Variants in GALNTL6 observed in about 807,000 individuals in gnomAD.
GALNTL6 encodes the protein polypeptide N-acetylgalactosaminyltransferase like 6.
Under a neutral mutation model 73.7 loss-of-function variants are expected in GALNTL6, and 46 were observed. The ratio of observed to expected loss-of-function variants is 0.62; its 90% CI spans 0.49 to 0.80. GALNTL6 has a LOEUF of 0.80. Among genes scored for constraint, GALNTL6 ranks in the 30% least tolerant of loss-of-function variants. GALNTL6 has a pLI of 0.00. For synonymous variants in GALNTL6, 259 were observed against 263.7 expected (o/e 0.98, Z 0.17); for missense variants, 604 against 755.0 (o/e 0.80, Z 2.34).
At chr4:172,316,062 A>T (rs545131909) in intron 4 of GALNTL6, among the ~76,000 whole-genome samples, 1 of 152,222 alleles carries the variant, frequency 6.6e-6, no homozygotes, top group Non-Finnish European at 1.5e-5. Flanking sequence ...AGAATTTTTA[A>T]GCAAGTATTA....
intron 5 of GALNTL6, among the ~76,000 whole-genome samples, chr4:172,546,424 T>C (rs993891459): frequency 2.0e-5 from 3 of 151,780 alleles, no homozygotes; most frequent in African/African-American, 4.8e-5. Flanking sequence ...TCTACCACTA[T>C]GCAATATATG....
At chr4:172,636,938 T>C (rs184109309) in intron 5 of GALNTL6, among the ~76,000 whole-genome samples, 7 of 152,284 alleles carry the variant, frequency 4.6e-5, no homozygotes, top group Admixed American at 4.6e-4. Flanking sequence ...ACTTTACATA[T>C]ATTATATGGG....
At chr4:172,410,834 G>A (rs1372331907) in intron 5 of GALNTL6, among the ~76,000 whole-genome samples, 1 of 151,760 alleles carries the variant, frequency 6.6e-6, no homozygotes, top group Non-Finnish European at 1.5e-5. Context: ...ATGATGTTGT[G>A]ACACAATGAT....
At chr4:172,425,980 T>G (rs1048691931) in intron 5 of GALNTL6, among the ~76,000 whole-genome samples, 6 of 152,138 alleles carry the variant, frequency 3.9e-5, no homozygotes, top group Non-Finnish European at 8.8e-5. Context: ...TCTGATTGTC[T>G]TTTAGTTATT....
intron 5 of GALNTL6, among the ~76,000 whole-genome samples, chr4:172,678,416 G>A (rs1377336761): frequency 1.3e-5 from 2 of 151,284 alleles, no homozygotes; most frequent in East Asian, 1.9e-4. Flanking sequence ...CACGATCTCG[G>A]CTCACCGCAA....
intron 10 of GALNTL6, among the ~76,000 whole-genome samples, chr4:172,999,967 C>G (rs1751971848): frequency 6.6e-6 from 1 of 152,012 alleles, no homozygotes; most frequent in South Asian, 2.1e-4. Context: ...GCCAACAGAA[C>G]AAGGTCTAAA....
At chr4:172,820,021 G>A (rs769603482) in intron 7 of GALNTL6, among the ~76,000 whole-genome samples, 17 of 151,460 alleles carry the variant, frequency 1.1e-4, no homozygotes, top group Non-Finnish European at 2.2e-4. Flanking sequence ...TTCAAAACAC[G>A]TTCAGGACAC....
chr4:172,096,363 G>A (rs961708956), intron 2 of GALNTL6, among the ~76,000 whole-genome samples: 1 of 152,126 alleles, frequency 6.6e-6, no homozygotes, highest in African/African-American at 2.4e-5. Flanking sequence ...CCAAAGTGTT[G>A]GGATTATAGG....
At chr4:172,453,414 A>G (rs1388569760) in intron 5 of GALNTL6, among the ~76,000 whole-genome samples, 1 of 152,204 alleles carries the variant, frequency 6.6e-6, no homozygotes, top group African/African-American at 2.4e-5. Flanking sequence ...TGATTATTTT[A>G]GCTATAAATC....
intron 2 of GALNTL6, among the ~76,000 whole-genome samples, chr4:172,176,764 G>A (rs1053211912): frequency 1.3e-5 from 2 of 152,038 alleles, no homozygotes; most frequent in Admixed American, 6.6e-5. Context: ...GCTCTGGCCT[G>A]GGCAACAAAG....
chr4:172,991,393 G>GTT (rs568262994), intron 10 of GALNTL6, among the ~76,000 whole-genome samples: 2 of 149,912 alleles, frequency 1.3e-5, no homozygotes, highest in African/African-American at 4.9e-5. Context: ...CCCAGTTTTT[G>GTT]TTTTTTTTTG....
Position 172,179,822 on chromosome 4 carries a change from C to A in GALNTL6, c.139-49834C>A, listed in dbSNP as rs540423496. Among the ~76,000 whole-genome samples the A allele has an allele frequency of 2.0e-5, 3 of 152,248 alleles. No individual in the cohort carries two copies. In the South Asian group the frequency reaches 6.2e-4, roughly 32 times the overall value. On this transcript the variant is annotated intron_variant, in intron 2 of 12. Transcript: ENST00000506823. Reference sequence around the variant, plus strand: ...ATTTAAATCTTTAATCCATGTGACACATTTTCTTTATCCAGTCTATCACTG... The same window carrying A: ...ATTTAAATCTTTAATCCATGTGACAAATTTTCTTTATCCAGTCTATCACTG...
intron 11 of GALNTL6, among the ~76,000 whole-genome samples, chr4:173,014,527 A>T (rs1244257866): frequency 6.6e-6 from 1 of 152,238 alleles, no homozygotes; most frequent in Non-Finnish European, 1.5e-5. Flanking sequence ...TCACAAAGAC[A>T]GAAGCAAGCA....
chr4:172,398,451 T>C (rs1327711931), intron 5 of GALNTL6, among the ~76,000 whole-genome samples: 2 of 152,132 alleles, frequency 1.3e-5, no homozygotes, highest in African/African-American at 2.4e-5. Flanking sequence ...CCTTGTCCAA[T>C]AAGAGGGGAG....
chr4:172,883,778 G>A (rs544195003), intron 8 of GALNTL6, among the ~76,000 whole-genome samples: 37 of 151,186 alleles, frequency 2.4e-4, no homozygotes, highest in African/African-American at 6.1e-4. Flanking sequence ...TTTTTTTGCC[G>A]CCTCCCCACC....
chr4:172,866,095 C>A (rs907957295), intron 7 of GALNTL6, among the ~76,000 whole-genome samples: 1 of 152,208 alleles, frequency 6.6e-6, no homozygotes, highest in African/African-American at 2.4e-5. Flanking sequence ...TCACCCTTCC[C>A]ACTTGGATGC....
chr4:172,639,479 A>T (rs1167917042), intron 5 of GALNTL6, among the ~76,000 whole-genome samples: 1 of 152,112 alleles, frequency 6.6e-6, no homozygotes, highest in East Asian at 1.9e-4. Flanking sequence ...GCCTAGAACT[A>T]TGGACTTGAG....
chr4:172,226,083 A>G (rs147916596), intron 2 of GALNTL6, among the ~76,000 whole-genome samples: 7 of 152,312 alleles, frequency 4.6e-5, no homozygotes, highest in Middle Eastern at 3.4e-3. Flanking sequence ...TTTAAATCCA[A>G]TCATACTATG....
At chr4:172,833,280 C>T (rs982643363) in intron 7 of GALNTL6, among the ~76,000 whole-genome samples, 2 of 148,286 alleles carry the variant, frequency 1.3e-5, no homozygotes, top group Non-Finnish European at 3.0e-5. Context: ...TTCTGGAAAC[C>T]TTATGTTGAT....
Sources: allele counts gnomAD v4.1 joint callset (sites outside exome capture counted in the v4.1 genomes callset), GRCh38; gene constraint gnomAD v4.1.1; transcripts MANE v1.5; gene names NCBI Gene and HGNC (gene_info 2026-07-23, HGNC 2026-07-21).